Variants in SGCZ observed in about 807,000 individuals in gnomAD.
The protein encoded by SGCZ is zeta-sarcoglycan.
In SGCZ, 40 loss-of-function variants were observed where a neutral mutation model predicts 41.3. That is an observed-to-expected ratio of 0.97 (90% CI 0.75 to 1.26). The LOEUF is 1.26. Among genes scored for constraint, SGCZ ranks in the 50% most tolerant of loss-of-function variants. The pLI is 0.00. For synonymous variants in SGCZ, 206 were observed against 137.5 expected, an observed-to-expected ratio of 1.50 and a Z score of -3.49; for missense variants, 552 against 369.8, an observed-to-expected ratio of 1.49 and a Z score of -4.04.
At chr8:14,907,029 T>A (rs1279631897) in intron 1 of SGCZ, among the ~76,000 whole-genome samples, 1 of 152,188 alleles carries the variant, frequency 6.6e-6, no homozygotes, top group Non-Finnish European at 1.5e-5. Flanking sequence ...AATGTTACCA[T>A]AAAACTTTTA....
chr8:14,687,317 T>G (rs1808644358), intron 1 of SGCZ, among the ~76,000 whole-genome samples: 1 of 142,668 alleles, frequency 7.0e-6, no homozygotes, highest in African/African-American at 2.9e-5. Flanking sequence ...TAGCATTAGG[T>G]ATATCTCCTA....
intron 1 of SGCZ, among the ~76,000 whole-genome samples, chr8:15,137,520 C>G (rs892948438): frequency 7.2e-5 from 11 of 151,864 alleles, no homozygotes; most frequent in Non-Finnish European, 1.3e-4. Context: ...AAATGGTTTC[C>G]TGGGCTGGGC....
chr8:14,356,178 T>C (rs1042110813), intron 2 of SGCZ, among the ~76,000 whole-genome samples: 2 of 152,164 alleles, frequency 1.3e-5, no homozygotes, highest in African/African-American at 4.8e-5. Flanking sequence ...TTCTGACATG[T>C]TTAAAGCAGG....
At chr8:14,123,569 T>A (rs1802763904) in intron 5 of SGCZ, among the ~76,000 whole-genome samples, 1 of 152,156 alleles carries the variant, frequency 6.6e-6, no homozygotes, top group Non-Finnish European at 1.5e-5. Flanking sequence ...CCAAGACCTA[T>A]ATACTCCATC....
At chr8:15,075,035 C>T (rs995938722) in intron 1 of SGCZ, among the ~76,000 whole-genome samples, 2 of 152,182 alleles carry the variant, frequency 1.3e-5, no homozygotes, top group African/African-American at 2.4e-5. Context: ...TGTCACGGAG[C>T]ATGCCCTAAG....
chr8:14,675,336 G>A (rs565750677), intron 1 of SGCZ, among the ~76,000 whole-genome samples: 47 of 151,698 alleles, frequency 3.1e-4, no homozygotes, highest in Admixed American at 5.9e-4. Flanking sequence ...GCATAATACC[G>A]AAACAAACAT....
At chr8:15,066,756 C>T (rs1307236284) in intron 1 of SGCZ, among the ~76,000 whole-genome samples, 1 of 152,132 alleles carries the variant, frequency 6.6e-6, no homozygotes, top group African/African-American at 2.4e-5. Flanking sequence ...CATTTCATAA[C>T]TCTCGAATTC....
At chr8:14,598,791 C>A (rs1268466779) in intron 1 of SGCZ, among the ~76,000 whole-genome samples, 1 of 152,072 alleles carries the variant, frequency 6.6e-6, no homozygotes, top group African/African-American at 2.4e-5. Context: ...GGCCTCCCAA[C>A]ATGCTGAGAT....
At chr8:14,739,591 T>C (rs1799140289) in intron 1 of SGCZ, among the ~76,000 whole-genome samples, 1 of 152,102 alleles carries the variant, frequency 6.6e-6, no homozygotes, top group South Asian at 2.1e-4. Context: ...TGACCAGTAT[T>C]ACTCAATTTT....
At chr8:14,156,985 A>T (rs1803894716) in intron 5 of SGCZ, among the ~76,000 whole-genome samples, 1 of 152,210 alleles carries the variant, frequency 6.6e-6, no homozygotes, top group Non-Finnish European at 1.5e-5. Context: ...AAACTACAGT[A>T]TACTATAGTA....
At chr8:14,567,599 G>T (rs1321752751) in intron 1 of SGCZ, among the ~76,000 whole-genome samples, 2 of 152,292 alleles carry the variant, frequency 1.3e-5, no homozygotes, top group East Asian at 1.9e-4. Flanking sequence ...AAAGCAGGCT[G>T]CCTAAGCCAG....
At chr8:14,700,816 C>T (rs1809111967) in intron 1 of SGCZ, among the ~76,000 whole-genome samples, 2 of 151,798 alleles carry the variant, frequency 1.3e-5, no homozygotes, top group South Asian at 4.1e-4. Flanking sequence ...CAAAGGCCAA[C>T]TGCCACCACA....
chr8:14,432,774 C>T (rs938234198), intron 2 of SGCZ, among the ~76,000 whole-genome samples: 1 of 151,794 alleles, frequency 6.6e-6, no homozygotes, highest in East Asian at 1.9e-4. Context: ...ATTAGCCAGG[C>T]GTGGTGGAGG....
intron 3 of SGCZ, among the ~76,000 whole-genome samples, chr8:14,242,160 C>T (rs573088116): frequency 7.9e-5 from 12 of 152,236 alleles, no homozygotes; most frequent in African/African-American, 2.9e-4. Context: ...CTTAAAAAAG[C>T]ATTAGTAATA....
chr8:14,090,786 A>G (rs893815680), intron 7 of SGCZ, 149 bp from the exon 8 acceptor site: 5 of 693,298 alleles, frequency 7.2e-6, no homozygotes, highest in African/African-American at 1.8e-5. Flanking sequence ...CAAACAAATT[A>G]CATTCCTACA....
At chr8:14,497,008 TC>T (rs1802007433) in intron 2 of SGCZ, among the ~76,000 whole-genome samples, 1 of 152,182 alleles carries the variant, frequency 6.6e-6, no homozygotes, top group South Asian at 2.1e-4. Context: ...CACCACATTT[TC>T]CCCTATGCAG....
chr8:14,532,712 G>T (rs1039130089), intron 2 of SGCZ, among the ~76,000 whole-genome samples: 4 of 126,870 alleles, frequency 3.2e-5, no homozygotes, highest in East Asian at 2.6e-4. Context: ...CTTTGTGTGT[G>T]GGGGGAGGGC....
intron 1 of SGCZ, among the ~76,000 whole-genome samples, chr8:14,644,768 C>A (rs1807151021): frequency 6.6e-6 from 1 of 151,592 alleles, no homozygotes; most frequent in Admixed American, 6.6e-5. Flanking sequence ...TCTTACGTAG[C>A]TAACAAATCT....
chr8:14,925,746 T>C (rs1325900587), intron 1 of SGCZ, among the ~76,000 whole-genome samples: 1 of 152,204 alleles, frequency 6.6e-6, no homozygotes, highest in African/African-American at 2.4e-5. Flanking sequence ...CTTCACTTTT[T>C]CATTGCTGTA....
Sources: gnomAD v4.1 joint callset for allele counts (sites outside exome capture counted in the v4.1 genomes callset) on GRCh38, gnomAD v4.1.1 for gene constraint, MANE v1.5 for transcripts, NCBI Gene and HGNC (gene_info 2026-07-23, HGNC 2026-07-21) for gene names.